SND1: variants seen among roughly 807,000 people sequenced by gnomAD.
SND1 encodes the protein staphylococcal nuclease domain-containing protein 1.
Under a neutral mutation model 121.7 loss-of-function variants are expected in SND1, and 38 were observed. That is an observed-to-expected ratio of 0.31 (90% CI 0.24 to 0.41). The LOEUF (loss-of-function observed/expected upper bound fraction) is 0.41. Among genes scored for constraint, SND1 ranks in the 10% least tolerant of loss-of-function variants. SND1 has a pLI of 1.00. For synonymous variants in SND1, 401 were observed against 447.4 expected, an observed-to-expected ratio of 0.90 and a Z score of 1.31; for missense variants, 868 against 1,184.6, an observed-to-expected ratio of 0.73 and a Z score of 3.92.
intron 12 of SND1, among the ~76,000 whole-genome samples, chr7:127,881,126 G>C (rs1304768817): frequency 3.3e-5 from 5 of 152,028 alleles, no homozygotes; most frequent in African/African-American, 9.7e-5. Flanking sequence ...TTTCTGTGCA[G>C]CTTCACTTCT....
intron 1 of SND1, among the ~76,000 whole-genome samples, chr7:127,668,527 C>T (rs1430967119): frequency 6.6e-6 from 1 of 152,176 alleles, no homozygotes; most frequent in Non-Finnish European, 1.5e-5. Context: ...GAGCCCAGAA[C>T]AAGACCAGGA....
intron 16 of SND1, chr7:128,030,380 G>A (rs1361385506): frequency 6.2e-7 from 1 of 1,613,884 alleles, no homozygotes; most frequent in Non-Finnish European, 8.5e-7. Context: ...GGATCATCTG[G>A]ATGTTGTTCT....
At chr7:127,947,618 C>T (rs149225817) in intron 15 of SND1, among the ~76,000 whole-genome samples, 4 of 152,284 alleles carry the variant, frequency 2.6e-5, no homozygotes, top group African/African-American at 9.6e-5. Context: ...CGGATGGCAA[C>T]TAGTACCTGA....
intron 2 of SND1, among the ~76,000 whole-genome samples, chr7:127,691,370 G>T (rs1458056828): frequency 2.0e-5 from 3 of 151,708 alleles, no homozygotes; most frequent in African/African-American, 7.3e-5. Flanking sequence ...GTGAAACCTT[G>T]TCTCTACTAA....
chr7:128,023,163 A>G (rs1803396934), intron 16 of SND1, among the ~76,000 whole-genome samples: 1 of 152,130 alleles, frequency 6.6e-6, no homozygotes, highest in Non-Finnish European at 1.5e-5. Context: ...TATCTGCCAT[A>G]GAGCTCCATT....
intron 14 of SND1, among the ~76,000 whole-genome samples, chr7:127,910,347 G>A (rs1800428534): frequency 6.6e-6 from 1 of 152,152 alleles, no homozygotes; most frequent in Admixed American, 6.5e-5. Flanking sequence ...GGGAGGCTGA[G>A]GCAGGGAGAA....
chr7:128,055,684 A>T (rs553444374), intron 16 of SND1, among the ~76,000 whole-genome samples: 2 of 152,178 alleles, frequency 1.3e-5, no homozygotes, highest in Non-Finnish European at 2.9e-5. Context: ...TTCTGTGCTG[A>T]GGGAAACTGA....
chr7:127,954,473 T>C (rs1446312412), intron 15 of SND1, among the ~76,000 whole-genome samples: 5 of 152,042 alleles, frequency 3.3e-5, no homozygotes, highest in Non-Finnish European at 7.4e-5. Context: ...TGAAAGAGAC[T>C]CTGGGGAGAT....
intron 12 of SND1, among the ~76,000 whole-genome samples, chr7:127,881,199 GCTCCTCAAA>G (rs1799782167): frequency 6.6e-6 from 1 of 151,978 alleles, no homozygotes; most frequent in African/African-American, 2.4e-5. Context: ...AAGATTTACT[GCTCCTCAAA>G]GAATTACCAC....
intron 12 of SND1, chr7:127,858,497 C>T: frequency 3.6e-6 from 2 of 550,510 alleles, no homozygotes; most frequent in Admixed American, 5.7e-5. Flanking sequence ...AGAGCTTTTA[C>T]CTGCAGAAGT....
At chr7:127,879,045 C>T (rs1799743209) in intron 12 of SND1, among the ~76,000 whole-genome samples, 1 of 152,128 alleles carries the variant, frequency 6.6e-6, no homozygotes, top group African/African-American at 2.4e-5. Flanking sequence ...TGTGGTGTGA[C>T]TCCTTGAAGA....
intron 10 of SND1, among the ~76,000 whole-genome samples, chr7:127,774,781 G>A (rs753215456): frequency 4.6e-5 from 7 of 152,104 alleles, no homozygotes; most frequent in Non-Finnish European, 8.8e-5. Flanking sequence ...GTTTTGCCAT[G>A]TTGGCCAGGC....
intron 15 of SND1, among the ~76,000 whole-genome samples, chr7:127,954,444 T>C (rs1434966456): frequency 6.6e-6 from 1 of 152,130 alleles, no homozygotes; most frequent in Admixed American, 6.5e-5. Context: ...GTGGCTCCGA[T>C]GGTCTCTTGA....
At chr7:128,074,742 C>T in intron 17 of SND1, 52 bp downstream of exon 17, 1 of 1,496,858 alleles carries the variant, frequency 6.7e-7, no homozygotes, top group Non-Finnish European at 9.1e-7. Flanking sequence ...CCTCCTCACA[C>T]ACTAATGCTG....
At chr7:128,034,166 T>G (rs927462415) in intron 16 of SND1, among the ~76,000 whole-genome samples, 1 of 152,096 alleles carries the variant, frequency 6.6e-6, no homozygotes, top group African/African-American at 2.4e-5. Flanking sequence ...TGTCTACTCT[T>G]CATAGAGTAA....
chr7:127,693,918 C>T (rs1290753179), intron 2 of SND1, among the ~76,000 whole-genome samples: 1 of 152,110 alleles, frequency 6.6e-6, no homozygotes, highest in Admixed American at 6.5e-5. Context: ...TCTGAACCAT[C>T]CCAGGAGTGA....
chr7:127,824,773 C>G (rs887156479), intron 11 of SND1, among the ~76,000 whole-genome samples: 1 of 151,992 alleles, frequency 6.6e-6, no homozygotes, highest in African/African-American at 2.4e-5. Context: ...GTAGTTCTAA[C>G]CATTTTGCTG....
At chr7:127,841,019 T>G (rs2116641708) in intron 11 of SND1, among the ~76,000 whole-genome samples, 1 of 152,344 alleles carries the variant, frequency 6.6e-6, no homozygotes, top group East Asian at 1.9e-4. Flanking sequence ...GAAGACAGTT[T>G]TGGAACAGCA....
chr7:127,749,217 G>T (rs1045157421), intron 10 of SND1, among the ~76,000 whole-genome samples: 3 of 151,994 alleles, frequency 2.0e-5, no homozygotes, highest in African/African-American at 7.2e-5. Flanking sequence ...TAGAGATGGG[G>T]TCTCACCATG....
Sources: allele counts gnomAD v4.1 joint callset (sites outside exome capture counted in the v4.1 genomes callset), GRCh38; gene constraint gnomAD v4.1.1; transcripts MANE v1.5; gene names NCBI Gene and HGNC (gene_info 2026-07-23, HGNC 2026-07-21).